The following HK3 variants were observed in gnomAD, a reference collection of about 807,000 sequenced individuals.
HK3 encodes the protein hexokinase-3.
Under a neutral mutation model 91.0 loss-of-function variants are expected in HK3, and 93 were observed. That is an observed-to-expected ratio of 1.02 (90% CI 0.86 to 1.21). HK3 has a LOEUF of 1.21. Among genes scored for constraint, HK3 ranks in the 50% most tolerant of loss-of-function variants. The probability of loss-of-function intolerance (pLI) is 0.00; values close to 1 mark genes in which losing one functional copy is unlikely to be tolerated. For synonymous variants in HK3, 519 were observed against 516.9 expected (o/e 1.00, Z -0.06); for missense variants, 1,235 against 1,247.4 (o/e 0.99, Z 0.15).
intron 17 of HK3, 27 bp downstream of exon 17, chr5:176,881,665 G>T: frequency 3.1e-6 from 5 of 1,612,780 alleles, no homozygotes; most frequent in South Asian, 2.2e-5. Flanking sequence ...CCCCTGAAGT[G>T]GGGGAGGCAA....
chr5:176,894,058 G>A (rs934748244), intron 2 of HK3, among the ~76,000 whole-genome samples: 1 of 152,198 alleles, frequency 6.6e-6, no homozygotes, highest in Non-Finnish European at 1.5e-5. Flanking sequence ...GATGCCATGA[G>A]GACTGAGACG....
chr5:176,884,403 A>G lies in HK3; in HGVS notation c.1858-269T>C, dbSNP rs1758528287. On this transcript the variant is annotated intron_variant, in intron 13 of 18. Transcript: ENST00000292432. This position sits in a 1 kb window ranked among gnomAD's most constrained non-coding sequence, Gnocchi z 4.1. ...ACAGTCAGAGGGTCTGGCCATTTTA[A>G]GACGTGTGCCCGGAAGGAATGGCCC... Among the ~76,000 whole-genome samples the G allele has an allele frequency of 6.6e-6, 1 of 152,238 alleles. No homozygotes were observed. Among genetic ancestry groups the G allele is most frequent in the Admixed American group, 6.5e-5 (1 of 15,286 alleles).
rs112871629 is a variant in HK3 at position 176,887,812 on chromosome 5, C to A, written c.1305-66G>T. The A allele has an allele frequency of 4.1e-4, 630 of 1,527,508 alleles. 4 individuals carry two copies. The African/African-American group carries it at 7.8e-3, about 19-fold the overall frequency. 94.6% of individuals were successfully genotyped at this position (1,527,508 alleles called of 1,614,324 possible). A position where few individuals can be genotyped will look rare whatever the true frequency, so the allele number is the denominator to read the frequency against. ...CCCAGACACACACAGGTGTGCACGG[C>A]TTGGCCCTGGACCCCCAGATACATA... is the stretch of plus-strand genomic sequence containing the variant. On this transcript the variant is annotated intron_variant, in intron 10 of 18. Transcript: ENST00000292432. This position sits in a 1 kb window ranked among gnomAD's most constrained non-coding sequence, Gnocchi z 4.9.
Position 176,888,496 on chromosome 5 carries a change from A to T in HK3, c.1140T>A (p.Asp380Glu). ...CACAGACGTGCTGCACAAGCTCAAC[A>T]TCCGAAGCCCCAGGGCTCAGGCCCA... ...QDLGLSPGAS[D>E]VELVQHVCAA... Residue 380 changes from aspartate (D) to glutamate (E), a missense_variant, in exon 10 of 19, where the codon GAT (aspartate) becomes GAA (glutamate). Asp to Glu is a conservative substitution (Grantham distance 45). Around this residue, in one of 3 missense-constraint regions of HK3, gnomAD observed 717 missense variants for 751.6 expected, o/e 0.95. Transcript: ENST00000292432. 6.4e-7 allele frequency: 1 copy of T among 1,553,924 alleles called. No homozygotes were observed. Among genetic ancestry groups the T allele is most frequent in the Non-Finnish European group, 8.7e-7 (1 of 1,148,112 alleles).
At chr5:176,886,232 CAA>C (rs796751043) in intron 13 of HK3, among the ~76,000 whole-genome samples, 11 of 140,408 alleles carry the variant, frequency 7.8e-5, no homozygotes, top group Non-Finnish European at 1.4e-4. Context: ...GACTTCATCT[CAA>C]AAAAAAAAAT....
At chr5:176,881,663 G>T (rs760811889) in intron 17 of HK3, 29 bp downstream of exon 17, 1 of 1,612,182 alleles carries the variant, frequency 6.2e-7, no homozygotes, top group South Asian at 1.1e-5. Context: ...ACCCCCTGAA[G>T]TGGGGGAGGC....
chr5:176,883,481 C>G (rs574605948), intron 15 of HK3, among the ~76,000 whole-genome samples: 4 of 152,272 alleles, frequency 2.6e-5, no homozygotes, highest in South Asian at 4.1e-4. Context: ...CAGGTGGAAA[C>G]ACAAAGCTAG....
chr5:176,887,440 C>T lies in HK3; in HGVS notation c.1600+11G>A. 1 of 1,612,410 alleles carries T rather than the reference C, an allele frequency of 6.2e-7. No individual in the cohort carries two copies. The highest frequency in any genetic ancestry group is 8.5e-7 in the Non-Finnish European group (1 of 1,178,858). On this transcript the variant is annotated intron_variant, in intron 11 of 18. Coordinates refer to ENST00000292432, the MANE Select transcript of HK3 (RefSeq NM_002115.3). This position sits in a 1 kb window ranked among gnomAD's most constrained non-coding sequence, Gnocchi z 4.9. ...CCATGTTTCGGTCCCACACTCAGGC[C>T]AGGTCCTTACCGCTGCCGTCAGGGG...
At chr5:176,890,976 T>A (rs776875538) in intron 4 of HK3, 35 bp from the exon 5 acceptor site, 9 of 1,613,762 alleles carry the variant, frequency 5.6e-6, no homozygotes, top group Non-Finnish European at 6.8e-6. Context: ...GCCTTGCCCA[T>A]CTGAGCCCTA....
At position 176,881,681 on chromosome 5, in the gene HK3, G is replaced by A. The variant is rs777188056; in HGVS notation, c.2393+11C>T. 6.2e-7 allele frequency: 1 copy of A among 1,613,850 alleles called. No individual in the cohort carries two copies. Among genetic ancestry groups the A allele is most frequent in the Non-Finnish European group, 8.5e-7 (1 of 1,179,950 alleles). ...CCCTGAAGTGGGGGAGGCAATGTAG[G>A]CCTCAGGCACCTTTCGATCTCAGAG... is the stretch of plus-strand genomic sequence containing the variant. On this transcript the variant is annotated intron_variant, in intron 17 of 18. Coordinates refer to ENST00000292432, the MANE Select transcript of HK3 (RefSeq NM_002115.3).
chr5:176,887,300 C>T lies in HK3; in HGVS notation c.1638G>A (p.Thr546=), dbSNP rs758157580. 3.1e-6 allele frequency: 5 copies of T among 1,613,872 alleles called. No individual in the cohort carries two copies. The highest frequency in any genetic ancestry group is 2.2e-5 in the East Asian group (1 of 44,876). Residue 546 remains threonine, a synonymous_variant, in exon 12 of 19, where the codon ACG becomes ACA. Transcript: ENST00000292432. The surrounding 1 kb of genome is among the most constrained non-coding windows in gnomAD (Gnocchi z 4.9). ...CACGTACCAGGAGGACACGGAAGTT[C>T]GTGCCCCCGAGGTCCAGGGCCAGGA... ...GDFLALDLGG[T]NFRVLLVRVT...
rs141315355 is a variant in HK3, at chr5:176,884,122, T to C, written c.1870A>G (p.Asn624Asp). The C allele has an allele frequency of 2.5e-6, 4 of 1,613,890 alleles. No homozygotes were observed. In the African/African-American group the frequency reaches 5.3e-5, roughly 22 times the overall value. Residue 624 changes from asparagine to aspartate, a missense_variant, in exon 14 of 19, where the codon AAC becomes GAC. Physicochemically the swap from Asn to Asp is conservative, Grantham distance 23. Coordinates refer to ENST00000292432, the MANE Select transcript of HK3 (RefSeq NM_002115.3). The surrounding 1 kb of genome is among the most constrained non-coding windows in gnomAD (Gnocchi z 4.1). Reference protein sequence around the residue: ...QLGLDQGILLNWTKGFKASDC... With the variant: ...QLGLDQGILLDWTKGFKASDC... Reference sequence around the variant, plus strand: ...GATGCCTTGAAACCCTTGGTCCAGTTCAGGAGGATGCCCTGGGGTGAGACC... The same window carrying C: ...GATGCCTTGAAACCCTTGGTCCAGTCCAGGAGGATGCCCTGGGGTGAGACC...
At position 176,887,141 on chromosome 5, in the gene HK3, A is replaced by G. The variant is rs778724406; in HGVS notation, c.1738-20T>C. ...AAAGAGCTGTGGGGCAGGACAGGTC[A>G]GGCGTAGGCACTGCTCAGCCCTTCC... On this transcript the variant is annotated intron_variant, in intron 12 of 18. Transcript: ENST00000292432. This position sits in a 1 kb window ranked among gnomAD's most constrained non-coding sequence, Gnocchi z 4.9. The G allele has an allele frequency of 3.6e-5, 58 of 1,614,080 alleles. No individual in the cohort carries two copies. Among genetic ancestry groups the G allele is most frequent in the Non-Finnish European group, 4.7e-5 (55 of 1,180,046 alleles).
chr5:176,897,839 TA>T (rs1201338644), intron 1 of HK3, among the ~76,000 whole-genome samples: 2 of 152,204 alleles, frequency 1.3e-5, no homozygotes, highest in Non-Finnish European at 2.9e-5. Flanking sequence ...CTCCCAAATC[TA>T]CCTTTGGCCT....
At chr5:176,890,609 C>T in intron 6 of HK3, 26 bp downstream of exon 6, 1 of 1,605,748 alleles carries the variant, frequency 6.2e-7, no homozygotes, top group Non-Finnish European at 8.5e-7. Context: ...ATGGGCAGCC[C>T]TCCTGTCACC....
chr5:176,889,940 C>A (rs2149376319), intron 6 of HK3, among the ~76,000 whole-genome samples, 196 bp from the exon 7 acceptor site: 1 of 152,254 alleles, frequency 6.6e-6, no homozygotes, highest in African/African-American at 2.4e-5. Flanking sequence ...CCAATCCCAC[C>A]CTCAGCTCCT....
rs746768717 is a variant in HK3, at chr5:176,891,133, C to T, written c.318G>A (p.Leu106=). ...CCTCAATGCCAGTTAGAGTCACCCA[C>T]AAAACACGCAGTGAGGCCCCTGTGG... ...LGATGASLRV[L]WVTLTGIEGH... Residue 106 remains leucine (L), a synonymous_variant, in exon 4 of 19, where the codon TTG becomes TTA. Transcript: ENST00000292432. 5 of 1,614,138 alleles carry T rather than the reference C, an allele frequency of 3.1e-6. No individual in the cohort carries two copies. The highest frequency in any genetic ancestry group is 3.3e-5 in the Admixed American group (2 of 60,020).
intron 1 of HK3, among the ~76,000 whole-genome samples, chr5:176,896,634 G>A (rs1758915992): frequency 6.6e-6 from 1 of 152,174 alleles, no homozygotes; most frequent in South Asian, 2.1e-4. Context: ...TAGAGGCTTG[G>A]AACAAAGAGG....
Position 176,895,972 on chromosome 5 carries a change from G to C in HK3, c.96+92C>G, listed in dbSNP as rs1057417397. ...AAAGCTCAGTGGAAAGGGGCTGCATGGGTGAGAGCCCAGGGCCCCATGGCA... is the reference window on the plus strand; with the variant it reads ...AAAGCTCAGTGGAAAGGGGCTGCATCGGTGAGAGCCCAGGGCCCCATGGCA... On this transcript the variant is annotated intron_variant, in intron 2 of 18. Transcript: ENST00000292432. 6.8e-5 allele frequency: 67 copies of C among 992,214 alleles called. No homozygotes were observed. In the African/African-American group the frequency reaches 9.7e-4, roughly 14 times the overall value. The allele number at this position is 992,214 out of a possible 1,614,324, so 61.5% of individuals were successfully genotyped here. A position where few individuals can be genotyped will look rare whatever the true frequency, so the allele number is the denominator to read the frequency against.
Sources: allele counts gnomAD v4.1 joint callset (sites outside exome capture counted in the v4.1 genomes callset), GRCh38; gene constraint gnomAD v4.1.1; regional missense constraint gnomAD v4.1.1; non-coding constraint Gnocchi (gnomAD v3.1); transcripts MANE v1.5; gene names NCBI Gene and HGNC (gene_info 2026-07-23, HGNC 2026-07-21).